SCAPER: variants seen among roughly 807,000 people sequenced by gnomAD.
The protein encoded by SCAPER is S-phase cyclin A associated protein in the ER.
A neutral mutation model predicts 182.2 loss-of-function variants in SCAPER; 98 were observed. That is an observed-to-expected ratio of 0.54 (90% CI 0.46 to 0.64). The LOEUF (loss-of-function observed/expected upper bound fraction) is 0.64. Ranked by LOEUF, SCAPER falls within the 30% of genes least tolerant of loss-of-function variation. The pLI is 0.00. For missense variants in SCAPER, 1,432 were observed against 1,690.0 expected, an observed-to-expected ratio of 0.85 and a Z score of 2.68; for synonymous variants, 605 against 564.6, an observed-to-expected ratio of 1.07 and a Z score of -1.01.
chr15:76,720,302 C>T (rs2060144704), intron 17 of SCAPER, among the ~76,000 whole-genome samples: 1 of 151,948 alleles, frequency 6.6e-6, no homozygotes, highest in South Asian at 2.1e-4. Context: ...TGTATATGTG[C>T]CACATTTTCT....
chr15:76,834,825 C>T (rs1291362389), intron 5 of SCAPER, among the ~76,000 whole-genome samples: 1 of 152,050 alleles, frequency 6.6e-6, no homozygotes, highest in African/African-American at 2.4e-5. Context: ...TTTCTGGAAA[C>T]ATACAACCTG....
intron 27 of SCAPER, among the ~76,000 whole-genome samples, chr15:76,393,273 T>C (rs1199137109): frequency 6.6e-6 from 1 of 152,228 alleles, no homozygotes; most frequent in Non-Finnish European, 1.5e-5. Flanking sequence ...TGAGCAGGAC[T>C]CTTGAATGCT....
At chr15:76,850,999 A>G (rs989481324) in intron 4 of SCAPER, among the ~76,000 whole-genome samples, 2 of 152,160 alleles carry the variant, frequency 1.3e-5, no homozygotes, top group Admixed American at 1.3e-4. Context: ...AATACCCAGT[A>G]TAAAAAAGAA....
At chr15:76,768,469 T>C (rs1017584052) in intron 10 of SCAPER, among the ~76,000 whole-genome samples, 4 of 152,200 alleles carry the variant, frequency 2.6e-5, no homozygotes, top group Non-Finnish European at 5.9e-5. Flanking sequence ...TTCATTTCTA[T>C]GAAATGTCTA....
At chr15:76,632,768 CTT>C (rs1188058843) in intron 21 of SCAPER, among the ~76,000 whole-genome samples, 212 of 104,494 alleles carry the variant, frequency 2.0e-3, no homozygotes, top group African/African-American at 8.7e-3. Flanking sequence ...AGGCTGCTGA[CTT>C]TTTTTTTTTT....
intron 25 of SCAPER, among the ~76,000 whole-genome samples, chr15:76,440,321 A>T (rs2047475208): frequency 6.6e-6 from 1 of 152,250 alleles, no homozygotes; most frequent in Admixed American, 6.5e-5. Context: ...AACTTTTAAA[A>T]GCCAAGCATG....
At chr15:76,842,403 T>G (rs2069568925) in intron 4 of SCAPER, among the ~76,000 whole-genome samples, 1 of 152,176 alleles carries the variant, frequency 6.6e-6, no homozygotes, top group African/African-American at 2.4e-5. Flanking sequence ...TAGTAAGTTC[T>G]CACAAGATCT....
intron 25 of SCAPER, among the ~76,000 whole-genome samples, chr15:76,467,419 G>A (rs556032871): frequency 2.1e-5 from 3 of 144,586 alleles, no homozygotes; most frequent in Non-Finnish European, 3.0e-5. Context: ...CCTCCCAGAG[G>A]AGAAGCTGAG....
chr15:76,829,244 G>A (rs1257868929), intron 5 of SCAPER, among the ~76,000 whole-genome samples: 1 of 152,148 alleles, frequency 6.6e-6, no homozygotes, highest in African/African-American at 2.4e-5. Flanking sequence ...ACAAGTGGAA[G>A]CTAAGCTATG....
chr15:76,607,749 C>G (rs1047994759), intron 22 of SCAPER, among the ~76,000 whole-genome samples: 1 of 143,070 alleles, frequency 7.0e-6, no homozygotes, highest in Non-Finnish European at 1.6e-5. Flanking sequence ...CTTCCCTTCT[C>G]GCTTCATTTC....
chr15:76,582,437 A>T (rs577435885), intron 22 of SCAPER, among the ~76,000 whole-genome samples: 19 of 152,378 alleles, frequency 1.2e-4, no homozygotes, highest in Admixed American at 9.1e-4. Context: ...ACACTGATGT[A>T]AGAAACTGAA....
intron 21 of SCAPER, among the ~76,000 whole-genome samples, chr15:76,625,482 T>G (rs917521017): frequency 4.6e-5 from 7 of 152,094 alleles, no homozygotes; most frequent in Non-Finnish European, 1.0e-4. Flanking sequence ...TGACAATGGC[T>G]CTCACTTCAT....
intron 15 of SCAPER, among the ~76,000 whole-genome samples, chr15:76,746,456 T>C (rs769745433): frequency 7.9e-5 from 12 of 152,208 alleles, no homozygotes; most frequent in Non-Finnish European, 1.3e-4. Context: ...TCTAGGAAGA[T>C]AAGGAATAAC....
intron 17 of SCAPER, among the ~76,000 whole-genome samples, chr15:76,722,502 G>C (rs913903596): frequency 6.6e-6 from 1 of 152,294 alleles, no homozygotes; most frequent in African/African-American, 2.4e-5. Context: ...AGAAGGAATG[G>C]TACCAGCTCC....
At chr15:76,578,143 TA>T (rs988641282) in intron 22 of SCAPER, among the ~76,000 whole-genome samples, 1 of 151,956 alleles carries the variant, frequency 6.6e-6, no homozygotes, top group Non-Finnish European at 1.5e-5. Context: ...GGAAGAGTGG[TA>T]AGGACTTTGT....
intron 4 of SCAPER, among the ~76,000 whole-genome samples, chr15:76,851,937 G>C (rs1568337885): frequency 6.6e-6 from 1 of 152,042 alleles, no homozygotes; most frequent in African/African-American, 2.4e-5. Context: ...CTGTCTTCAA[G>C]AGACCCATAT....
chr15:76,444,496 A>C (rs2047854059), intron 25 of SCAPER, among the ~76,000 whole-genome samples: 1 of 152,104 alleles, frequency 6.6e-6, no homozygotes, highest in Non-Finnish European at 1.5e-5. Context: ...TTTTAAATAA[A>C]ATTTTGTTAT....
intron 27 of SCAPER, among the ~76,000 whole-genome samples, chr15:76,386,887 T>C (rs919943990): frequency 5.9e-5 from 9 of 152,142 alleles, no homozygotes; most frequent in African/African-American, 1.9e-4. Flanking sequence ...GGGAAGCCAT[T>C]GTAAGGTTTT....
chr15:76,466,416 C>CTTGGTTTTTTTTTT (rs1268592485), intron 25 of SCAPER, among the ~76,000 whole-genome samples: 1 of 36,796 alleles, frequency 2.7e-5, no homozygotes, highest in Admixed American at 4.0e-4. Context: ...TTGGTTGGTT[C>CTTGGTTTTTTTTTT]TTCTTTTTTT....
Sources: allele counts gnomAD v4.1 joint callset (sites outside exome capture counted in the v4.1 genomes callset), GRCh38; gene constraint gnomAD v4.1.1; transcripts MANE v1.5; gene names NCBI Gene and HGNC (gene_info 2026-07-23, HGNC 2026-07-21).